RYR2: variants seen among roughly 807,000 people sequenced by gnomAD.
RYR2 encodes the protein cardiac muscle ryanodine receptor-calcium release channel.
RYR2 carries 227 observed loss-of-function variants against 601.1 expected under a neutral mutation model. The observed-to-expected ratio is 0.38, with a 90% CI of 0.34 to 0.42. RYR2 has a LOEUF of 0.42. RYR2 is among the 10% of genes least tolerant of loss of function. The pLI is 1.00. For missense variants in RYR2, 4,646 were observed against 6,156.5 expected (o/e 0.75, Z 8.21); for synonymous variants, 2,223 against 2,175.1 (o/e 1.02, Z -0.61).
chr1:237,607,640 A>G (rs1244250915), intron 35 of RYR2, among the ~76,000 whole-genome samples: 1 of 152,252 alleles, frequency 6.6e-6, no homozygotes, highest in Admixed American at 6.5e-5. Flanking sequence ...GGAATTCAGG[A>G]TCTCAAGGAG....
chr1:237,600,976 A>ATACACTG (rs2148505477), intron 34 of RYR2, among the ~76,000 whole-genome samples: 1 of 152,306 alleles, frequency 6.6e-6, no homozygotes, highest in African/African-American at 2.4e-5. Flanking sequence ...AGGGAAACCC[A>ATACACTG]TACACTGTTG....
chr1:237,117,671 C>CCTTCTCTTCTCTTCTCTTCT (rs60631152), intron 1 of RYR2, among the ~76,000 whole-genome samples: 816 of 64,516 alleles, frequency 0.013, 32 homozygotes, highest in Admixed American at 0.018. Context: ...CTCTTCTCTT[C>CCTTCTCTTCTCTTCTCTTCT]CTTCTCTTCT....
intron 27 of RYR2, among the ~76,000 whole-genome samples, chr1:237,562,896 A>G (rs1374405991): frequency 6.6e-6 from 1 of 152,126 alleles, no homozygotes. Context: ...GTTTCTAGAT[A>G]CAGTTTGGCA....
At chr1:237,409,397 T>C (rs1704219666) in intron 10 of RYR2, among the ~76,000 whole-genome samples, 1 of 152,156 alleles carries the variant, frequency 6.6e-6, no homozygotes, top group Non-Finnish European at 1.5e-5. Flanking sequence ...AAATACTTTT[T>C]CTTCATTTAT....
intron 1 of RYR2, among the ~76,000 whole-genome samples, chr1:237,215,762 T>C (rs893431534): frequency 1.3e-5 from 2 of 152,194 alleles, no homozygotes; most frequent in Non-Finnish European, 2.9e-5. Context: ...TATAAATTCA[T>C]GATAAATAGT....
chr1:237,356,970 T>A (rs1414973721), intron 4 of RYR2, among the ~76,000 whole-genome samples: 3 of 152,230 alleles, frequency 2.0e-5, no homozygotes, highest in African/African-American at 7.2e-5. Context: ...TCCAACTTTC[T>A]TGATGCAATA....
chr1:237,427,471 A>G (rs1706291820), intron 12 of RYR2, among the ~76,000 whole-genome samples: 1 of 152,162 alleles, frequency 6.6e-6, no homozygotes, highest in Admixed American at 6.6e-5. Flanking sequence ...GATTGGAAAT[A>G]AAAAGATGGC....
chr1:237,136,886 G>C (rs529481068), intron 1 of RYR2, among the ~76,000 whole-genome samples: 1 of 151,680 alleles, frequency 6.6e-6, no homozygotes, highest in Non-Finnish European at 1.5e-5. Flanking sequence ...GCATGGCGGC[G>C]AGTACCTGTA....
At chr1:237,688,032 C>T (rs1352553024) in intron 63 of RYR2, among the ~76,000 whole-genome samples, 32 of 152,094 alleles carry the variant, frequency 2.1e-4, no homozygotes, top group Non-Finnish European at 1.5e-5. Context: ...CCACTCACTC[C>T]AGGGTCAGTT....
At chr1:237,137,012 A>C (rs866778015) in intron 1 of RYR2, among the ~76,000 whole-genome samples, 4 of 137,950 alleles carry the variant, frequency 2.9e-5, no homozygotes, top group African/African-American at 1.1e-4. Context: ...GCAAGACTCC[A>C]TCTCAAAAAA....
Position 237,397,784 on chromosome 1 carries a change from C to T in RYR2, c.773+9601C>T, listed in dbSNP as rs540672372. ...TCACCCAGGCTGGAGTGCAGTGGCG[C>T]CATCTCGGCTCACTGTAAGCTCCGC... On this transcript the variant is annotated intron_variant, in intron 10 of 104. Coordinates refer to ENST00000366574, the MANE Select transcript of RYR2 (RefSeq NM_001035.3). Among the ~76,000 whole-genome samples the T allele has an allele frequency of 8.9e-4, 135 of 151,074 alleles. 1 individual carries two copies. The highest frequency in any genetic ancestry group is 1.5e-3 in the Admixed American group (23 of 15,200).
chr1:237,618,058 G>C (rs560798192), intron 38 of RYR2, among the ~76,000 whole-genome samples: 24 of 152,268 alleles, frequency 1.6e-4, no homozygotes, highest in African/African-American at 5.8e-4. Flanking sequence ...AGTGTGGGAA[G>C]TTACTGGCGT....
At chr1:237,310,861 T>A (rs2149489647) in intron 2 of RYR2, among the ~76,000 whole-genome samples, 1 of 152,358 alleles carries the variant, frequency 6.6e-6, no homozygotes, top group African/African-American at 2.4e-5. Context: ...TTGGTCTGAA[T>A]GACATTTGGT....
At chr1:237,257,626 G>T (rs1427663310) in intron 1 of RYR2, among the ~76,000 whole-genome samples, 1 of 152,166 alleles carries the variant, frequency 6.6e-6, no homozygotes, top group East Asian at 1.9e-4. Context: ...AACGAGGTCG[G>T]CAGAGTCTTT....
At chr1:237,187,479 T>C (rs979965928) in intron 1 of RYR2, among the ~76,000 whole-genome samples, 1 of 123,314 alleles carries the variant, frequency 8.1e-6, no homozygotes, top group Admixed American at 1.1e-4. Flanking sequence ...AGTCTCACTC[T>C]GTCACTCAGG....
intron 4 of RYR2, among the ~76,000 whole-genome samples, chr1:237,360,819 T>G (rs918473032): frequency 6.6e-6 from 1 of 152,180 alleles, no homozygotes; most frequent in Non-Finnish European, 1.5e-5. Flanking sequence ...TGTCTGTCTT[T>G]TCAGAGCATC....
intron 1 of RYR2, among the ~76,000 whole-genome samples, chr1:237,117,455 A>AT (rs1162759445): frequency 6.6e-6 from 1 of 151,624 alleles, no homozygotes; most frequent in Non-Finnish European, 1.5e-5. Context: ...AAAGGGACTC[A>AT]TTTTTTTTCT....
intron 1 of RYR2, among the ~76,000 whole-genome samples, chr1:237,132,611 A>G (rs1296650848): frequency 6.6e-6 from 1 of 152,254 alleles, no homozygotes; most frequent in Non-Finnish European, 1.5e-5. Flanking sequence ...ATGGCAAAAA[A>G]TGACAAAACT....
intron 1 of RYR2, among the ~76,000 whole-genome samples, chr1:237,061,739 C>T (rs903756523): frequency 3.3e-5 from 5 of 151,938 alleles, no homozygotes; most frequent in African/African-American, 7.3e-5. Flanking sequence ...TTGTTAGTGT[C>T]GAAGAGCAGT....
Sources: allele counts gnomAD v4.1 joint callset (sites outside exome capture counted in the v4.1 genomes callset), GRCh38; gene constraint gnomAD v4.1.1; transcripts MANE v1.5; gene names NCBI Gene and HGNC (gene_info 2026-07-23, HGNC 2026-07-21).